The following ATP8B1 variants were observed in gnomAD, a reference collection of about 807,000 sequenced individuals.
ATP8B1 encodes the protein ATPase phospholipid transporting 8B1.
Under a neutral mutation model 149.9 loss-of-function variants are expected in ATP8B1, and 80 were observed. That is an observed-to-expected ratio of 0.53 (90% CI 0.45 to 0.64). ATP8B1 has a LOEUF of 0.64. Ranked by LOEUF, ATP8B1 falls within the 30% of genes least tolerant of loss-of-function variation. The pLI, the probability that ATP8B1 is intolerant of heterozygous loss-of-function variation, is 0.00. For synonymous variants in ATP8B1, 536 were observed against 562.8 expected (o/e 0.95, Z 0.67); for missense variants, 1,247 against 1,552.6 (o/e 0.80, Z 3.31).
At chr18:57,657,471 C>T (rs112872700) in intron 22 of ATP8B1, among the ~76,000 whole-genome samples, 134 of 152,192 alleles carry the variant, frequency 8.8e-4, no homozygotes, top group African/African-American at 2.7e-3. Context: ...TGCAATGCTG[C>T]GGCGTTCCAA....
intron 1 of ATP8B1, among the ~76,000 whole-genome samples, chr18:57,770,261 G>A (rs1322087547): frequency 6.6e-5 from 10 of 152,120 alleles, no homozygotes; most frequent in African/African-American, 2.2e-4. Flanking sequence ...CTTGCACTCA[G>A]GCAGAAGTGC....
At chr18:57,654,202 T>C (rs977277968) in intron 23 of ATP8B1, 127 bp from the exon 24 acceptor site, 1 of 873,420 alleles carries the variant, frequency 1.1e-6, no homozygotes. Context: ...GATGGGGGTC[T>C]TGCTATGTTG....
chr18:57,717,381 T>TA (rs992384447), intron 2 of ATP8B1, among the ~76,000 whole-genome samples: 2 of 150,372 alleles, frequency 1.3e-5, no homozygotes, highest in African/African-American at 2.4e-5. Flanking sequence ...CCATTGCTAC[T>TA]AAAAAAATAC....
chr18:57,772,305 GAC>G (rs1211092356), intron 1 of ATP8B1, among the ~76,000 whole-genome samples: 1 of 152,174 alleles, frequency 6.6e-6, no homozygotes, highest in Non-Finnish European at 1.5e-5. Flanking sequence ...GATGGAGAGA[GAC>G]AGGAGGGATG....
At chr18:57,680,536 A>G (rs1301656309) in intron 15 of ATP8B1, among the ~76,000 whole-genome samples, 1 of 151,548 alleles carries the variant, frequency 6.6e-6, no homozygotes, top group African/African-American at 2.4e-5. Flanking sequence ...GTGAGCCGAG[A>G]TCATGCCATT....
chr18:57,767,102 T>C (rs964137487), intron 1 of ATP8B1, among the ~76,000 whole-genome samples: 1 of 151,996 alleles, frequency 6.6e-6, no homozygotes, highest in Non-Finnish European at 1.5e-5. Flanking sequence ...AAAAAGGACG[T>C]TGGAATCCTA....
rs144548338 is a variant in ATP8B1 at position 57,781,279 on chromosome 18, A to G, written c.-26+21719T>C. On this transcript the variant is annotated intron_variant, in intron 1 of 27. Transcript: ENST00000648908. ...TAGGTTGAAGTGTAATGTGAATTCC[A>G]TTCTTGCCAGTAGGTGCGTTATTTT... Among the ~76,000 whole-genome samples, 439 of 152,322 alleles carry G rather than the reference A, an allele frequency of 2.9e-3. 5 individuals carry two copies. Among genetic ancestry groups the G allele is most frequent in the Admixed American group, 0.024 (371 of 15,292 alleles).
intron 1 of ATP8B1, among the ~76,000 whole-genome samples, chr18:57,765,705 A>G (rs1471213527): frequency 6.6e-6 from 1 of 151,278 alleles, no homozygotes; most frequent in Non-Finnish European, 1.5e-5. Context: ...GGTCAAGCGC[A>G]TTGGCTCACA....
intron 1 of ATP8B1, among the ~76,000 whole-genome samples, chr18:57,761,426 A>G (rs1359267672): frequency 1.3e-5 from 2 of 152,198 alleles, no homozygotes; most frequent in Non-Finnish European, 2.9e-5. Flanking sequence ...GGCTCAGGTT[A>G]TCATCTGTCA....
In ATP8B1 at chr18:57,648,114, A is replaced by G. The variant is rs751781591; in HGVS notation, c.*374T>C. 50 of 357,634 alleles carry G rather than the reference A, an allele frequency of 1.4e-4. No homozygotes were observed. Among genetic ancestry groups the G allele is most frequent in the Admixed American group, 7.0e-4 (18 of 25,738 alleles). 22.2% of individuals were successfully genotyped at this position (357,634 alleles called of 1,614,324 possible). On this transcript the variant is annotated 3_prime_UTR_variant, in exon 28 of 28. Transcript: ENST00000648908. ...CGATTCTTCTGCTTCAGCTTCTCAA[A>G]TAGGTGGGATTACGGGTGCCCACCA...
rs1911213190 is a variant in ATP8B1 at position 57,671,448 on chromosome 18, A to G, written c.1932+20T>C. 8 of 1,568,838 alleles carry G rather than the reference A, an allele frequency of 5.1e-6. No homozygotes were observed. Among genetic ancestry groups the G allele is most frequent in the Non-Finnish European group, 7.0e-6 (8 of 1,139,048 alleles). ...AGTAAGTTCAGAATCCCTTGCAGAA[A>G]GAATAAAAGTGAAACTTACATCCAG... On this transcript the variant is annotated intron_variant, in intron 17 of 27. Coordinates refer to ENST00000648908, the MANE Select transcript of ATP8B1 (RefSeq NM_001374385.1).
rs926260260 is a variant in ATP8B1 at position 57,652,496 on chromosome 18, T to C, written c.3249A>G (p.Thr1083=). 6.2e-7 allele frequency: 1 copy of C among 1,614,226 alleles called. No homozygotes were observed. Among genetic ancestry groups the C allele is most frequent in the Non-Finnish European group, 8.5e-7 (1 of 1,180,038 alleles). ...GAAAGCCACGTACCTGGAAATTGAC[T>C]GTTATTACAAGAGCAGAGGCAATGG... ...AVTIASALVI[T]VNFQIGLDTS... The change falls in exon 25 of 28, where the codon ACA becomes ACG. Residue 1083 remains threonine, a synonymous_variant. Coordinates refer to ENST00000648908, the MANE Select transcript of ATP8B1 (RefSeq NM_001374385.1).
chr18:57,785,747 C>T (rs1284194039), intron 1 of ATP8B1, among the ~76,000 whole-genome samples: 1 of 152,176 alleles, frequency 6.6e-6, no homozygotes, highest in Non-Finnish European at 1.5e-5. Context: ...CTCAAGTGAT[C>T]CACATGCCTC....
intron 1 of ATP8B1, among the ~76,000 whole-genome samples, chr18:57,745,041 A>G (rs1318502056): frequency 1.3e-5 from 2 of 152,240 alleles, no homozygotes; most frequent in East Asian, 3.8e-4. Context: ...AGTTGATGAA[A>G]ACATAGACAC....
Position 57,684,033 on chromosome 18 carries a change from C to T in ATP8B1, c.1630+3G>A. On this transcript the variant is annotated splice_donor_region_variant and intron_variant, in intron 15 of 27. Coordinates refer to ENST00000648908, the MANE Select transcript of ATP8B1 (RefSeq NM_001374385.1). ...ATGCCTGAGATGCCAGAGAAACACT[C>T]ACCATCAGTCCTATCCACCATGACT... The T allele has an allele frequency of 6.2e-7, 1 of 1,614,170 alleles. No homozygotes were observed. Among genetic ancestry groups the T allele is most frequent in the Non-Finnish European group, 8.5e-7 (1 of 1,180,022 alleles).
rs752497049 is a variant in ATP8B1 at position 57,734,604 on chromosome 18, C to T, written c.-25-2772G>A. Among the ~76,000 whole-genome samples the T allele has an allele frequency of 2.0e-4, 31 of 152,240 alleles. No homozygotes were observed. The East Asian group carries it at 3.7e-3, about 18-fold the overall frequency. On this transcript the variant is annotated intron_variant, in intron 1 of 27. Coordinates refer to ENST00000648908, the MANE Select transcript of ATP8B1 (RefSeq NM_001374385.1). ...TATTATTATTTTAAAATATTGCTGG[C>T]ATTCATTATTACAAAGAACAACTTA...
intron 2 of ATP8B1, among the ~76,000 whole-genome samples, chr18:57,712,450 G>C (rs951063152): frequency 1.3e-5 from 2 of 152,172 alleles, no homozygotes; most frequent in Non-Finnish European, 2.9e-5. Flanking sequence ...CATAGAGGGA[G>C]CATTTAGACC....
rs10622264 is a variant in ATP8B1 at position 57,712,048 on chromosome 18, C to CATATATATAT, written c.182-5471_182-5462dup. ...TGATTCCTCTCCTTCCCTCTATTGG[C>CATATATATAT]ATATATATATATATATATATGGCGA... is the stretch of plus-strand genomic sequence containing the variant. On this transcript the variant is annotated intron_variant, in intron 2 of 27. Coordinates refer to ENST00000648908, the MANE Select transcript of ATP8B1 (RefSeq NM_001374385.1). Among the ~76,000 whole-genome samples, 326 of 144,386 alleles carry CATATATATAT rather than the reference C, an allele frequency of 2.3e-3. 5 individuals carry two copies. The highest frequency in any genetic ancestry group is 7.9e-3 in the African/African-American group (296 of 37,446). The allele number at this position is 144,386 out of a possible 152,430, so 94.7% of individuals were successfully genotyped here. A position where few individuals can be genotyped will look rare whatever the true frequency, so the allele number is the denominator to read the frequency against.
At chr18:57,716,915 A>G (rs181994327) in intron 2 of ATP8B1, among the ~76,000 whole-genome samples, 3 of 152,246 alleles carry the variant, frequency 2.0e-5, no homozygotes. Context: ...GACAGAACGT[A>G]TATTAAGTCA....
Sources: allele counts gnomAD v4.1 joint callset (sites outside exome capture counted in the v4.1 genomes callset), GRCh38; gene constraint gnomAD v4.1.1; transcripts MANE v1.5; gene names NCBI Gene and HGNC (gene_info 2026-07-23, HGNC 2026-07-21).